The following ARHGEF28 variants were observed in gnomAD, a reference collection of about 807,000 sequenced individuals.
ARHGEF28 encodes the protein Rho guanine nucleotide exchange factor 28.
Under a neutral mutation model 206.6 loss-of-function variants are expected in ARHGEF28, and 152 were observed. That is an observed-to-expected ratio of 0.74 (90% CI 0.64 to 0.84). The LOEUF (loss-of-function observed/expected upper bound fraction) is 0.84, where lower values mean the gene tolerates loss of function less well. Ranked by LOEUF, ARHGEF28 falls within the 40% of genes least tolerant of loss-of-function variation. The pLI, the probability that ARHGEF28 is intolerant of heterozygous loss-of-function variation, is 0.00. For missense variants in ARHGEF28, 2,028 were observed against 2,073.2 expected (o/e 0.98, Z 0.42); for synonymous variants, 763 against 776.4 (o/e 0.98, Z 0.29).
intron 3 of ARHGEF28, among the ~76,000 whole-genome samples, chr5:73,752,469 C>G (rs930337704): frequency 6.6e-6 from 1 of 152,084 alleles, no homozygotes; most frequent in Non-Finnish European, 1.5e-5. Flanking sequence ...TTAGGGCAAA[C>G]TTGTGTAATT....
chr5:73,799,050 A>G (rs1396487325), intron 9 of ARHGEF28, among the ~76,000 whole-genome samples: 4 of 152,178 alleles, frequency 2.6e-5, no homozygotes, highest in African/African-American at 9.7e-5. Flanking sequence ...CGCACCGTTC[A>G]TTGCACTCCA....
At chr5:73,882,668 T>C (rs1761029327) in intron 23 of ARHGEF28, 74 bp downstream of exon 23, 1 of 1,297,532 alleles carries the variant, frequency 7.7e-7, no homozygotes, top group African/African-American at 1.6e-5. Context: ...TTCTTAATGA[T>C]TTAAACAAAT....
chr5:73,790,438 A>G (rs543834310), intron 7 of ARHGEF28, among the ~76,000 whole-genome samples: 1 of 152,340 alleles, frequency 6.6e-6, no homozygotes, highest in South Asian at 2.1e-4. Flanking sequence ...TAAAAATGAT[A>G]TGCCAAGGAG....
At chr5:73,855,679 C>T (rs1304339012) in intron 14 of ARHGEF28, among the ~76,000 whole-genome samples, 3 of 151,696 alleles carry the variant, frequency 2.0e-5, no homozygotes, top group Non-Finnish European at 4.4e-5. Flanking sequence ...TTGCAGTGAG[C>T]CAAGATCACG....
intron 35 of ARHGEF28, among the ~76,000 whole-genome samples, chr5:73,917,244 A>G (rs1054130961): frequency 2.0e-5 from 3 of 152,228 alleles, no homozygotes; most frequent in African/African-American, 4.8e-5. Flanking sequence ...AGAGATATAT[A>G]TAGGAGTCTG....
intron 9 of ARHGEF28, chr5:73,813,659 G>C (rs1173449212): frequency 6.5e-7 from 1 of 1,535,672 alleles, no homozygotes; most frequent in Admixed American, 2.0e-5. Flanking sequence ...ATTCGAAGAA[G>C]GACGTCCAAA....
intron 4 of ARHGEF28, among the ~76,000 whole-genome samples, chr5:73,770,662 A>G (rs999206499): frequency 2.6e-5 from 4 of 152,220 alleles, no homozygotes; most frequent in African/African-American, 2.4e-5. Context: ...TATATATGTC[A>G]TGATGCTTCC....
At chr5:73,881,026 G>C (rs893427905) in intron 22 of ARHGEF28, among the ~76,000 whole-genome samples, 4 of 131,054 alleles carry the variant, frequency 3.1e-5, no homozygotes, top group Admixed American at 8.0e-5. Flanking sequence ...GACTTAGTAG[G>C]TTAAGTTCAG....
intron 35 of ARHGEF28, among the ~76,000 whole-genome samples, chr5:73,931,601 T>G (rs564774538): frequency 6.6e-6 from 1 of 152,198 alleles, no homozygotes; most frequent in African/African-American, 2.4e-5. Context: ...TTCCATTGAT[T>G]GTTTAAAAAA....
At chr5:73,802,472 GC>G (rs1243869217) in intron 9 of ARHGEF28, among the ~76,000 whole-genome samples, 2 of 152,084 alleles carry the variant, frequency 1.3e-5, no homozygotes, top group Non-Finnish European at 2.9e-5. Flanking sequence ...GGGAAAAATG[GC>G]AGTACTTTCT....
chr5:73,773,930 G>A lies in ARHGEF28; in HGVS notation c.551G>A (p.Cys184Tyr). The part of the protein sequence containing the change: ...GLAKLSQFFL[C>Y]LPGGVQALAL... Reference sequence around the variant, plus strand: ...GCTAAACTTTCCCAGTTCTTCTTGTGTCTCCCGGGGGGAGTCCAGGCCTTG... The same window carrying A: ...GCTAAACTTTCCCAGTTCTTCTTGTATCTCCCGGGGGGAGTCCAGGCCTTG... Residue 184 changes from cysteine (C) to tyrosine (Y), a missense_variant, in exon 5 of 36, where the codon TGT becomes TAT. By Grantham distance (194) the Cys-to-Tyr change is radical. Transcript: ENST00000513042. 1.9e-6 allele frequency: 3 copies of A among 1,607,872 alleles called. No homozygotes were observed. Among genetic ancestry groups the A allele is most frequent in the East Asian group, 2.2e-5 (1 of 44,770 alleles).
chr5:73,868,700 G>C (rs1191027287), intron 20 of ARHGEF28, among the ~76,000 whole-genome samples: 2 of 152,192 alleles, frequency 1.3e-5, no homozygotes, highest in African/African-American at 4.8e-5. Flanking sequence ...AGGCTGGAGT[G>C]CAGTGGTATG....
At chr5:73,813,568 T>G in intron 9 of ARHGEF28, 3 of 1,535,410 alleles carry the variant, frequency 2.0e-6, no homozygotes, top group Admixed American at 2.0e-5. Context: ...TTTCATCTGT[T>G]GATTTCACCA....
chr5:73,711,585 T>C (rs530256508), intron 2 of ARHGEF28, among the ~76,000 whole-genome samples: 7 of 152,190 alleles, frequency 4.6e-5, no homozygotes, highest in Non-Finnish European at 7.4e-5. Context: ...TTTGGTGCTA[T>C]CATGATGTTT....
rs1762909170 is a variant in ARHGEF28, at chr5:73,911,551, A to AT, written c.4924_4925insT (p.Ser1642MetfsTer7). The AT allele has an allele frequency of 1.2e-6, 2 of 1,607,280 alleles. No individual in the cohort carries two copies. Among genetic ancestry groups the AT allele is most frequent in the East Asian group, 4.5e-5 (2 of 44,780 alleles). On this transcript the variant is annotated frameshift_variant, in exon 35 of 36. Coordinates refer to ENST00000513042, the MANE Select transcript of ARHGEF28 (RefSeq NM_001177693.2). LOFTEE classifies it low-confidence loss of function (END_TRUNC). ...CCATCAGATACTTCCTTTCCATGAA[A>AT]GCAGCAAGGATTCTTGTAAAAATGG...
chr5:73,879,722 G>A (rs2931416), intron 22 of ARHGEF28, among the ~76,000 whole-genome samples: 84,545 of 152,002 alleles, frequency 0.56, 24,307 homozygotes, highest in African/African-American at 0.69. Context: ...TATCAGCAGC[G>A]GTGTCTGCAG....
chr5:73,923,103 G>A (rs1234417613), intron 35 of ARHGEF28: 1 of 1,535,668 alleles, frequency 6.5e-7, no homozygotes, highest in Non-Finnish European at 8.7e-7. Flanking sequence ...GTATGACAAA[G>A]TGCAGTTGTA....
Position 73,679,686 on chromosome 5 carries a change from G to A in ARHGEF28, c.-11-5155G>A, listed in dbSNP as rs192333343. Among the ~76,000 whole-genome samples the A allele has an allele frequency of 3.1e-3, 466 of 151,254 alleles. 1 individual carries two copies. Among genetic ancestry groups the A allele is most frequent in the African/African-American group, 0.01 (418 of 41,172 alleles). On this transcript the variant is annotated intron_variant, in intron 1 of 35. Transcript: ENST00000513042. ...AAATATCACTTTTTTTTCTGAAATG[G>A]CAGGTCAAAAAAAGAAAAAGAAAGT...
chr5:73,646,242 C>T (rs10062309), intron 1 of ARHGEF28, among the ~76,000 whole-genome samples: 3,511 of 152,282 alleles, frequency 0.023, 76 homozygotes, highest in Non-Finnish European at 0.038. Context: ...ATTGCTGCAA[C>T]GCAGACCCTG....
Sources: allele counts gnomAD v4.1 joint callset (sites outside exome capture counted in the v4.1 genomes callset), GRCh38; gene constraint gnomAD v4.1.1; transcripts MANE v1.5; gene names NCBI Gene and HGNC (gene_info 2026-07-23, HGNC 2026-07-21).